The following ANKS1B variants were observed in gnomAD, a reference collection of about 807,000 sequenced individuals.
ANKS1B encodes ankyrin repeat and sterile alpha motif domain-containing protein 1B.
A neutral mutation model predicts 148.3 loss-of-function variants in ANKS1B; 36 were observed. The observed-to-expected ratio is 0.24, with a 90% CI of 0.19 to 0.32. ANKS1B has a LOEUF of 0.32. Ranked by LOEUF, ANKS1B falls within the 10% of genes least tolerant of loss-of-function variation. The pLI, the probability that ANKS1B is intolerant of heterozygous loss-of-function variation, is 1.00. For synonymous variants in ANKS1B, 542 were observed against 560.8 expected (o/e 0.97, Z 0.47); for missense variants, 1,157 against 1,542.6 (o/e 0.75, Z 4.19).
intron 1 of ANKS1B, among the ~76,000 whole-genome samples, chr12:99,889,604 A>G (rs1156550047): frequency 6.6e-6 from 1 of 151,890 alleles, no homozygotes; most frequent in Non-Finnish European, 1.5e-5. Flanking sequence ...CCAAATCCAT[A>G]TGAGTCTGAA....
intron 1 of ANKS1B, among the ~76,000 whole-genome samples, chr12:99,919,598 T>G (rs1017704273): frequency 6.6e-6 from 1 of 152,072 alleles, no homozygotes; most frequent in Non-Finnish European, 1.5e-5. Context: ...GAAAGAAAAC[T>G]TAAATACTAC....
intron 1 of ANKS1B, among the ~76,000 whole-genome samples, chr12:99,891,476 T>A (rs2093105475): frequency 6.6e-6 from 1 of 152,128 alleles, no homozygotes. Context: ...TGATTCTGAC[T>A]CCCAAAATGC....
At chr12:99,285,412 C>A (rs2078999068) in intron 12 of ANKS1B, among the ~76,000 whole-genome samples, 1 of 152,106 alleles carries the variant, frequency 6.6e-6, no homozygotes, top group Non-Finnish European at 1.5e-5. Context: ...AGAAATAAAG[C>A]TACTATGGAC....
chr12:98,985,556 G>A (rs958207262), intron 17 of ANKS1B, among the ~76,000 whole-genome samples: 1 of 150,402 alleles, frequency 6.6e-6, no homozygotes, highest in Non-Finnish European at 1.5e-5. Flanking sequence ...GTTGCTCTAG[G>A]GTTTACATTA....
At chr12:99,608,779 C>A (rs1440002318) in intron 9 of ANKS1B, among the ~76,000 whole-genome samples, 1 of 151,966 alleles carries the variant, frequency 6.6e-6, no homozygotes, top group Non-Finnish European at 1.5e-5. Context: ...GTCTCAGAGT[C>A]TTTAGAGGTC....
At chr12:99,202,639 A>G (rs1406642301) in intron 14 of ANKS1B, among the ~76,000 whole-genome samples, 1 of 152,250 alleles carries the variant, frequency 6.6e-6, no homozygotes, top group African/African-American at 2.4e-5. Flanking sequence ...GACAGCTCTT[A>G]TGCCACTACA....
chr12:98,959,980 T>C (rs2099868493), intron 17 of ANKS1B, among the ~76,000 whole-genome samples: 1 of 152,114 alleles, frequency 6.6e-6, no homozygotes, highest in African/African-American at 2.4e-5. Flanking sequence ...AGGCACCAGG[T>C]ATATTCCTAA....
At chr12:99,106,395 T>C (rs1022700423) in intron 15 of ANKS1B, among the ~76,000 whole-genome samples, 3 of 152,256 alleles carry the variant, frequency 2.0e-5, no homozygotes, top group African/African-American at 7.2e-5. Context: ...CAGAGGATTC[T>C]TGTCCTTCTA....
At position 99,666,872 on chromosome 12, in the gene ANKS1B, GTGTGTGTGTGTGTGTGTGTGTGT is replaced by G. The variant is rs754457758; in HGVS notation, c.1129-11685_1129-11663del. On this transcript the variant is annotated intron_variant, in intron 8 of 26. Coordinates refer to ENST00000683438, the MANE Select transcript of ANKS1B (RefSeq NM_001352186.2). ...GTTACTATGGGGTGTGTGTGTGTGTGTGTGTGTGTGTGTGTGTGTGTGTGGTGAGGACACTTAGAATCAACTCT... is the reference window on the plus strand; with the variant it reads ...GTTACTATGGGGTGTGTGTGTGTGTGGGTGAGGACACTTAGAATCAACTCT... Among the ~76,000 whole-genome samples, 1,298 of 144,212 alleles carry G rather than the reference GTGTGTGTGTGTGTGTGTGTGTGT, an allele frequency of 9.0e-3. 9 individuals are homozygous for G. Among genetic ancestry groups the G allele is most frequent in the Non-Finnish European group, 0.013 (853 of 64,488 alleles). 94.6% of individuals were successfully genotyped at this position (144,212 alleles called of 152,430 possible).
chr12:99,367,400 GAAA>G (rs1163619155), intron 12 of ANKS1B, among the ~76,000 whole-genome samples: 2 of 152,150 alleles, frequency 1.3e-5, no homozygotes, highest in Non-Finnish European at 2.9e-5. Flanking sequence ...CCAAACATTT[GAAA>G]GAAGTCTGTG....
intron 9 of ANKS1B, among the ~76,000 whole-genome samples, chr12:99,543,609 T>C (rs550933475): frequency 1.4e-4 from 21 of 152,208 alleles, no homozygotes; most frequent in African/African-American, 4.8e-4. Context: ...AAACACAGAA[T>C]TGAATATTAT....
intron 1 of ANKS1B, among the ~76,000 whole-genome samples, chr12:99,831,656 C>T (rs2153689323): frequency 6.6e-6 from 1 of 152,162 alleles, no homozygotes; most frequent in South Asian, 2.1e-4. Flanking sequence ...TTATATGAGA[C>T]CCACAGCATC....
intron 17 of ANKS1B, among the ~76,000 whole-genome samples, chr12:98,998,399 A>T (rs1258827941): frequency 6.6e-6 from 1 of 152,236 alleles, no homozygotes; most frequent in Non-Finnish European, 1.5e-5. Context: ...GTAAACCTGG[A>T]TCAAATTTAA....
rs115513921 is a variant in ANKS1B at position 98,765,931 on chromosome 12, C to G, written c.3579+7111G>C. 5.9e-3 allele frequency among the ~76,000 whole-genome samples: 894 copies of G among 152,278 alleles called. 5 individuals are homozygous for G. Among genetic ancestry groups the G allele is most frequent in the African/African-American group, 0.021 (858 of 41,540 alleles). On this transcript the variant is annotated intron_variant, in intron 25 of 26. Coordinates refer to ENST00000683438, the MANE Select transcript of ANKS1B (RefSeq NM_001352186.2). ...CGCCCAAACTATGAAGCTAAGAGTG[C>G]AGATCTGGGATTCAAAACCAGACTG...
At chr12:99,715,192 C>A (rs1250233773) in intron 8 of ANKS1B, among the ~76,000 whole-genome samples, 1 of 152,054 alleles carries the variant, frequency 6.6e-6, no homozygotes, top group Non-Finnish European at 1.5e-5. Flanking sequence ...TGTCAGGCCT[C>A]GAGCCCAAGC....
At chr12:99,475,964 T>G (rs1177279199) in intron 10 of ANKS1B, among the ~76,000 whole-genome samples, 1 of 152,106 alleles carries the variant, frequency 6.6e-6, no homozygotes. Context: ...ACAGAATTGA[T>G]TTTAAACAAT....
At chr12:99,063,278 C>T (rs542024724) in intron 16 of ANKS1B, among the ~76,000 whole-genome samples, 4 of 152,280 alleles carry the variant, frequency 2.6e-5, no homozygotes, top group African/African-American at 9.6e-5. Context: ...TCTATTCTGG[C>T]TCCTTGTTCT....
intron 9 of ANKS1B, among the ~76,000 whole-genome samples, chr12:99,582,012 A>G (rs919972041): frequency 1.3e-5 from 2 of 152,046 alleles, no homozygotes; most frequent in Non-Finnish European, 2.9e-5. Context: ...TTACAACTCA[A>G]TAATAAGACT....
intron 2 of ANKS1B, among the ~76,000 whole-genome samples, chr12:99,818,197 A>C (rs1261999999): frequency 6.6e-6 from 1 of 151,840 alleles, no homozygotes; most frequent in Non-Finnish European, 1.5e-5. Context: ...CAAGCTTAAA[A>C]GCTTCTACAC....
Sources: gnomAD v4.1 joint callset for allele counts (sites outside exome capture counted in the v4.1 genomes callset) on GRCh38, gnomAD v4.1.1 for gene constraint, MANE v1.5 for transcripts, NCBI Gene and HGNC (gene_info 2026-07-23, HGNC 2026-07-21) for gene names.